GREM2: variants seen among roughly 807,000 people sequenced by gnomAD.
The protein encoded by GREM2 is gremlin 2, DAN family BMP antagonist.
GREM2 carries 11 observed loss-of-function variants against 14.2 expected under a neutral mutation model. The observed-to-expected ratio is 0.78, with a 90% CI of 0.49 to 1.28. GREM2 has a LOEUF of 1.28. Among genes scored for constraint, GREM2 ranks in the 50% most tolerant of loss-of-function variants. The probability of loss-of-function intolerance (pLI) is 0.00; values close to 1 mark genes in which losing one functional copy is unlikely to be tolerated. For missense variants in GREM2, 210 were observed against 218.5 expected, an observed-to-expected ratio of 0.96 and a Z score of 0.24; for synonymous variants, 98 against 97.6, an observed-to-expected ratio of 1.00 and a Z score of -0.02.
At chr1:240,504,931 G>C (rs1677646963) in intron 1 of GREM2, among the ~76,000 whole-genome samples, 1 of 152,202 alleles carries the variant, frequency 6.6e-6, no homozygotes. Context: ...AGATGATATA[G>C]TTTGGATCTA....
intron 1 of GREM2, among the ~76,000 whole-genome samples, chr1:240,554,808 C>T (rs1678921641): frequency 1.3e-5 from 2 of 152,176 alleles, no homozygotes. Flanking sequence ...TTTTCCTCTA[C>T]TTCTCCCCAT....
intron 1 of GREM2, among the ~76,000 whole-genome samples, chr1:240,555,364 A>G (rs1430963236): frequency 1.3e-5 from 2 of 152,208 alleles, no homozygotes; most frequent in Non-Finnish European, 2.9e-5. Flanking sequence ...TATAGTTAAT[A>G]TGCATAAAAC....
chr1:240,575,021 T>G (rs1416536740), intron 1 of GREM2, among the ~76,000 whole-genome samples: 2 of 151,778 alleles, frequency 1.3e-5, no homozygotes, highest in Non-Finnish European at 2.9e-5. Context: ...GCAGGAGAAT[T>G]GGTTGAACGT....
At chr1:240,607,819 T>C (rs927194973) in intron 1 of GREM2, among the ~76,000 whole-genome samples, 23 of 152,248 alleles carry the variant, frequency 1.5e-4, no homozygotes, top group Admixed American at 8.5e-4. Flanking sequence ...CATTTAATGA[T>C]GGGCTAGTGC....
At chr1:240,527,621 G>A (rs1448105212) in intron 1 of GREM2, among the ~76,000 whole-genome samples, 1 of 152,182 alleles carries the variant, frequency 6.6e-6, no homozygotes, top group Non-Finnish European at 1.5e-5. Flanking sequence ...AGAAAAGGAA[G>A]AAGGAAGAAA....
At chr1:240,545,793 G>A (rs1678704923) in intron 1 of GREM2, among the ~76,000 whole-genome samples, 1 of 152,178 alleles carries the variant, frequency 6.6e-6, no homozygotes. Flanking sequence ...AGTGACAGTC[G>A]AAGAGGAAGA....
At position 240,598,175 on chromosome 1, in the gene GREM2, C is replaced by T. The variant is rs141562008; in HGVS notation, c.-2+13709G>A. 5.2e-3 allele frequency among the ~76,000 whole-genome samples: 795 copies of T among 152,324 alleles called. 2 individuals are homozygous for T. The highest frequency in any genetic ancestry group is 8.7e-3 in the Non-Finnish European group (590 of 68,032). ...ATATTTAATGCAAGAATTAGGAATG[C>T]ATACTGGTTTTCACGGTGCAGCTTG... On this transcript the variant is annotated intron_variant, in intron 1 of 1. Coordinates refer to ENST00000318160, the MANE Select transcript of GREM2 (RefSeq NM_022469.4).
chr1:240,552,769 G>A (rs1027906213), intron 1 of GREM2, among the ~76,000 whole-genome samples: 4 of 152,170 alleles, frequency 2.6e-5, no homozygotes, highest in East Asian at 3.9e-4. Flanking sequence ...ATTTTGGTGC[G>A]GGGATGCATC....
intron 1 of GREM2, among the ~76,000 whole-genome samples, chr1:240,591,048 G>A (rs543186236): frequency 1.3e-5 from 2 of 152,106 alleles, no homozygotes; most frequent in Non-Finnish European, 2.9e-5. Context: ...CCGAAGTGCT[G>A]GGATTACAGG....
chr1:240,593,104 A>G (rs1679743159), intron 1 of GREM2, among the ~76,000 whole-genome samples: 1 of 152,098 alleles, frequency 6.6e-6, no homozygotes. Context: ...AGATCATGCC[A>G]TTGCAATCCA....
At chr1:240,545,292 G>A (rs893670067) in intron 1 of GREM2, among the ~76,000 whole-genome samples, 2 of 152,222 alleles carry the variant, frequency 1.3e-5, no homozygotes, top group Admixed American at 6.5e-5. Context: ...GAGGGCTTTC[G>A]GATAGTTGGA....
chr1:240,607,364 G>A (rs1226350966), intron 1 of GREM2, among the ~76,000 whole-genome samples: 2 of 151,584 alleles, frequency 1.3e-5, no homozygotes, highest in Non-Finnish European at 2.9e-5. Flanking sequence ...CTCTCTTCTA[G>A]GTCAAAAAAA....
Position 240,492,954 on chromosome 1 carries a change from C to G in GREM2, c.*15G>C. The G allele has an allele frequency of 6.7e-7, 1 of 1,499,512 alleles. No individual in the cohort carries two copies. Among genetic ancestry groups the G allele is most frequent in the Non-Finnish European group, 8.9e-7 (1 of 1,121,642 alleles). 92.9% of individuals were successfully genotyped at this position (1,499,512 alleles called of 1,614,324 possible). A position where few individuals can be genotyped will look rare whatever the true frequency, so the allele number is the denominator to read the frequency against. ...GCCGGGCGCGCGCGGGGCTGAGCTG[C>G]GTCCGGCCCGGCGCTCACTGCTTGT... On this transcript the variant is annotated 3_prime_UTR_variant, in exon 2 of 2. Coordinates refer to ENST00000318160, the MANE Select transcript of GREM2 (RefSeq NM_022469.4).
intron 1 of GREM2, among the ~76,000 whole-genome samples, chr1:240,498,871 A>C (rs532366822): frequency 6.6e-6 from 1 of 152,310 alleles, no homozygotes; most frequent in South Asian, 2.1e-4. Context: ...TTCTGGCCTG[A>C]CCATGTTCTC....
rs539043110 is a variant in GREM2 at position 240,543,631 on chromosome 1, C to CA, written c.-1-50156dup. Among the ~76,000 whole-genome samples the CA allele has an allele frequency of 4.5e-3, 690 of 152,154 alleles. 9 individuals carry two copies. Among genetic ancestry groups the CA allele is most frequent in the Middle Eastern group, 0.024 (7 of 294 alleles). ...CAGGTAAGGAGTCTAACAATTCCCACAAAAAATTCTATTTAGTTTTAGGAA... is the reference window on the plus strand; with the variant it reads ...CAGGTAAGGAGTCTAACAATTCCCACAAAAAAATTCTATTTAGTTTTAGGAA... On this transcript the variant is annotated intron_variant, in intron 1 of 1. Coordinates refer to ENST00000318160, the MANE Select transcript of GREM2 (RefSeq NM_022469.4). This position sits in a 1 kb window ranked among gnomAD's most constrained non-coding sequence, Gnocchi z 6.4.
intron 1 of GREM2, among the ~76,000 whole-genome samples, chr1:240,567,979 T>A (rs1403162763): frequency 1.3e-5 from 2 of 151,870 alleles, no homozygotes; most frequent in Non-Finnish European, 2.9e-5. Context: ...TGTGGTGGAG[T>A]GTGCCTATAA....
At chr1:240,531,984 T>C (rs1678373300) in intron 1 of GREM2, among the ~76,000 whole-genome samples, 1 of 152,136 alleles carries the variant, frequency 6.6e-6, no homozygotes, top group South Asian at 2.1e-4. Flanking sequence ...CAAGAAACAA[T>C]TAGCCTCTAA....
At chr1:240,600,472 GTTTTCTTTTCTT>G (rs149627334) in intron 1 of GREM2, among the ~76,000 whole-genome samples, 15,631 of 151,840 alleles carry the variant, frequency 0.1, 949 homozygotes, top group East Asian at 0.22. Flanking sequence ...TGTTTTTATT[GTTTTCTTTTCTT>G]TTTTCTTTTC....
chr1:240,574,249 GT>G (rs1375628801), intron 1 of GREM2, among the ~76,000 whole-genome samples: 4 of 152,088 alleles, frequency 2.6e-5, no homozygotes, highest in Admixed American at 2.6e-4. Context: ...CTTTTCTGTT[GT>G]ATAGAATTCA....
Sources: allele counts gnomAD v4.1 joint callset (sites outside exome capture counted in the v4.1 genomes callset), GRCh38; gene constraint gnomAD v4.1.1; non-coding constraint Gnocchi (gnomAD v3.1); transcripts MANE v1.5; gene names NCBI Gene and HGNC (gene_info 2026-07-23, HGNC 2026-07-21).